SFRP1: variants seen among roughly 807,000 people sequenced by gnomAD.
SFRP1 encodes the protein secreted frizzled-related protein 1.
Under a neutral mutation model 25.9 loss-of-function variants are expected in SFRP1, and 9 were observed. That is an observed-to-expected ratio of 0.35 (90% confidence interval 0.21 to 0.61). The LOEUF is 0.61. SFRP1 is among the 20% of genes least tolerant of loss of function. SFRP1 has a pLI of 0.78. For synonymous variants in SFRP1, 178 were observed against 174.0 expected (o/e 1.02, Z -0.18); for missense variants, 346 against 418.2 (o/e 0.83, Z 1.51).
At chr8:41,299,467 G>A (rs923925902) in intron 2 of SFRP1, among the ~76,000 whole-genome samples, 3 of 126,782 alleles carry the variant, frequency 2.4e-5, no homozygotes, top group East Asian at 4.9e-4. Context: ...ACAAGTTGCC[G>A]ACATCCACCT....
intron 2 of SFRP1, among the ~76,000 whole-genome samples, chr8:41,302,374 C>T (rs1208018501): frequency 6.6e-6 from 1 of 152,208 alleles, no homozygotes. Context: ...CACATGTGTG[C>T]AGCTTACTTT....
chr8:41,274,685 C>A (rs1803550677), intron 2 of SFRP1, among the ~76,000 whole-genome samples: 1 of 152,162 alleles, frequency 6.6e-6, no homozygotes, highest in Non-Finnish European at 1.5e-5. Flanking sequence ...AAAATTATTA[C>A]TTCTAGGTCA....
At position 41,309,096 on chromosome 8, in the gene SFRP1, C is replaced by A. The variant is rs1159160639; in HGVS notation, c.64G>T (p.Gly22Cys). The change falls in exon 1 of 3, where the codon GGC (glycine) becomes TGC (cysteine). Residue 22 changes from glycine (G) to cysteine (C), a missense_variant. Gly to Cys is a radical substitution (Grantham distance 159). Transcript: ENST00000220772. Reference protein sequence around the residue: ...GAALGVLLALGAALLAVGSAS... With the variant: ...GAALGVLLALCAALLAVGSAS... The stretch of plus-strand genomic sequence containing the variant: ...GAGCCCACGGCCAGAAGCGCCGCGC[C>A]CAGCGCCAGCAGCACGCCCAGGGCT... 1.3e-6 allele frequency: 2 copies of A among 1,575,760 alleles called. No individual in the cohort carries two copies. The highest frequency in any genetic ancestry group is 1.1e-5 in the South Asian group (1 of 88,136).
At chr8:41,277,126 G>A (rs369618683) in intron 2 of SFRP1, 16 of 434,644 alleles carry the variant, frequency 3.7e-5, no homozygotes, top group African/African-American at 2.8e-4. Flanking sequence ...CGCATCTTGG[G>A]GAGCAAGGGC....
At position 41,285,879 on chromosome 8, in the gene SFRP1, C is replaced by T. The variant is rs758154270; in HGVS notation, c.622+17582G>A. ...GGGGGTGCCAATGATCCCTCCCAGCCGCCTCAGAAGTGGCCACCCTTTGGT... is the reference window on the plus strand; with the variant it reads ...GGGGGTGCCAATGATCCCTCCCAGCTGCCTCAGAAGTGGCCACCCTTTGGT... On this transcript the variant is annotated intron_variant, in intron 2 of 2. Transcript: ENST00000220772. 5.9e-5 allele frequency among the ~76,000 whole-genome samples: 9 copies of T among 152,268 alleles called. No individual in the cohort carries two copies. The South Asian group carries it at 8.3e-4, about 14-fold the overall frequency.
At chr8:41,284,731 T>A (rs1170855849) in intron 2 of SFRP1, among the ~76,000 whole-genome samples, 1 of 152,162 alleles carries the variant, frequency 6.6e-6, no homozygotes, top group Non-Finnish European at 1.5e-5. Context: ...CCCTGCCTCC[T>A]CTGAAGAGCA....
At chr8:41,280,053 C>T (rs996912375) in intron 2 of SFRP1, among the ~76,000 whole-genome samples, 3 of 152,150 alleles carry the variant, frequency 2.0e-5, no homozygotes, top group East Asian at 3.9e-4. Context: ...CGGCCCTTGG[C>T]GGGCACGAGG....
At chr8:41,279,142 T>A (rs1803604965) in intron 2 of SFRP1, among the ~76,000 whole-genome samples, 1 of 151,984 alleles carries the variant, frequency 6.6e-6, no homozygotes, top group Non-Finnish European at 1.5e-5. Flanking sequence ...CCAAAACGCA[T>A]CCAATCTCTG....
intron 2 of SFRP1, among the ~76,000 whole-genome samples, chr8:41,283,556 A>C (rs1473922868): frequency 6.6e-6 from 1 of 151,936 alleles, no homozygotes; most frequent in Non-Finnish European, 1.5e-5. Flanking sequence ...TAGAAACTAA[A>C]AAAAAAAATT....
chr8:41,300,318 A>C (rs1236836908), intron 2 of SFRP1, among the ~76,000 whole-genome samples: 1 of 152,192 alleles, frequency 6.6e-6, no homozygotes, highest in Non-Finnish European at 1.5e-5. Context: ...GAAATATATA[A>C]ATGGAAAAAA....
intron 2 of SFRP1, among the ~76,000 whole-genome samples, chr8:41,296,745 T>C (rs573960530): frequency 6.6e-6 from 1 of 152,126 alleles, no homozygotes; most frequent in Admixed American, 6.5e-5. Context: ...GGCTCTGAAG[T>C]CCCTCAAACA....
At chr8:41,274,910 C>T (rs868048733) in intron 2 of SFRP1, among the ~76,000 whole-genome samples, 7 of 152,308 alleles carry the variant, frequency 4.6e-5, no homozygotes, top group Admixed American at 1.3e-4. Flanking sequence ...AGACCCTTCA[C>T]CCTCCATTCA....
Position 41,276,337 on chromosome 8 carries a change from G to A in SFRP1, c.623-10848C>T, listed in dbSNP as rs149675099. Among the ~76,000 whole-genome samples, 456 of 152,322 alleles carry A rather than the reference G, an allele frequency of 3.0e-3. 3 individuals carry two copies. The highest frequency in any genetic ancestry group is 4.0e-3 in the Non-Finnish European group (270 of 68,028). On this transcript the variant is annotated intron_variant, in intron 2 of 2. Transcript: ENST00000220772. ...GAGATTCAGTAACAGCACTGGGTAC[G>A]GCATTTGGCTGCAAGCAACCACAAC...
chr8:41,309,088 C>A lies in SFRP1; in HGVS notation c.72G>T (p.Ala24=). The change falls in exon 1 of 3, where the codon GCG becomes GCT. Residue 24 remains alanine (A), a synonymous_variant. Transcript: ENST00000220772. The stretch of plus-strand genomic sequence containing the variant: ...CGCTGGCCGAGCCCACGGCCAGAAG[C>A]GCCGCGCCCAGCGCCAGCAGCACGC... ...ALGVLLALGA[A]LLAVGSASEY... 6.3e-7 allele frequency: 1 copy of A among 1,586,774 alleles called. No individual in the cohort carries two copies. The highest frequency in any genetic ancestry group is 8.5e-7 in the Non-Finnish European group (1 of 1,174,110).
intron 2 of SFRP1, among the ~76,000 whole-genome samples, chr8:41,300,786 C>T (rs947686006): frequency 6.6e-6 from 1 of 152,188 alleles, no homozygotes; most frequent in Non-Finnish European, 1.5e-5. Context: ...CAGAGCCCTG[C>T]AAGCTGATGG....
intron 2 of SFRP1, among the ~76,000 whole-genome samples, chr8:41,291,961 G>T (rs1168329653): frequency 6.6e-6 from 1 of 151,988 alleles, no homozygotes; most frequent in Non-Finnish European, 1.5e-5. Flanking sequence ...GTGTGGCCAG[G>T]GGCACCCCAA....
chr8:41,264,763 G>A lies in SFRP1; in HGVS notation c.*404C>T, dbSNP rs1157805061. 1.7e-5 allele frequency: 3 copies of A among 173,820 alleles called. No individual in the cohort carries two copies. Among genetic ancestry groups the A allele is most frequent in the Non-Finnish European group, 3.7e-5 (3 of 82,186 alleles). 10.8% of individuals were successfully genotyped at this position (173,820 alleles called of 1,614,324 possible). ...ATCATTAGAATTTTCTAGTTGAAAG[G>A]CATAGATCAGCCAATAGATCCACAC... On this transcript the variant is annotated 3_prime_UTR_variant, in exon 3 of 3. Coordinates refer to ENST00000220772, the MANE Select transcript of SFRP1 (RefSeq NM_003012.5).
rs546153826 is a variant in SFRP1 at position 41,264,112 on chromosome 8, C to T, written c.*1055G>A. The T allele has an allele frequency of 6.6e-6, 1 of 152,174 alleles. No individual in the cohort carries two copies. The highest frequency in any genetic ancestry group is 2.4e-5 in the African/African-American group (1 of 41,426). 9.4% of individuals were successfully genotyped at this position (152,174 alleles called of 1,614,324 possible). On this transcript the variant is annotated 3_prime_UTR_variant, in exon 3 of 3. Transcript: ENST00000220772. ...GAGCTGCTCCTCTGGGAAGCAGCCT[C>T]GGACGGATCAGGAGACCTTGTTCTA...
chr8:41,308,907 C>G lies in SFRP1; in HGVS notation c.253G>C (p.Glu85Gln), dbSNP rs773726937. The G allele has an allele frequency of 1.2e-6, 2 of 1,612,632 alleles. No individual in the cohort carries two copies. The highest frequency in any genetic ancestry group is 1.7e-5 in the Admixed American group (1 of 59,986). The change falls in exon 1 of 3, where the codon GAG becomes CAG. Residue 85 changes from glutamate to glutamine, a missense_variant. Physicochemically the swap from Glu to Gln is conservative, Grantham distance 29 (BLOSUM62 2). Transcript: ENST00000220772. ...TGCTGCTTCACCTCCGCCATGGTCT[C>G]GTGCTCCAGCAGGTTGGGCAGCACC... is the stretch of plus-strand genomic sequence containing the variant. ...KMVLPNLLEH[E>Q]TMAEVKQQAS...
Sources: allele counts gnomAD v4.1 joint callset (sites outside exome capture counted in the v4.1 genomes callset), GRCh38; gene constraint gnomAD v4.1.1; transcripts MANE v1.5; gene names NCBI Gene and HGNC (gene_info 2026-07-23, HGNC 2026-07-21).